The following SNX14 variants were observed in gnomAD, a reference collection of about 807,000 sequenced individuals.
The protein encoded by SNX14 is sorting nexin-14.
SNX14 carries 93 observed loss-of-function variants against 133.8 expected under a neutral mutation model. That is an observed-to-expected ratio of 0.70 (90% CI 0.59 to 0.83). The LOEUF (loss-of-function observed/expected upper bound fraction) is 0.83. Ranked by LOEUF, SNX14 falls within the 40% of genes least tolerant of loss-of-function variation. The pLI, the probability that SNX14 is intolerant of heterozygous loss-of-function variation, is 0.00. For missense variants in SNX14, 945 were observed against 1,094.9 expected (o/e 0.86, Z 1.93); for synonymous variants, 368 against 365.6 (o/e 1.01, Z -0.07).
chr6:85,548,827 C>T (rs1786715926), intron 8 of SNX14, among the ~76,000 whole-genome samples: 1 of 151,502 alleles, frequency 6.6e-6, no homozygotes, highest in African/African-American at 2.4e-5. Flanking sequence ...ATTAGCTGGG[C>T]ATGATGGTGC....
chr6:85,592,939 G>C (rs1803334322), intron 1 of SNX14, among the ~76,000 whole-genome samples: 2 of 152,162 alleles, frequency 1.3e-5, no homozygotes, highest in Non-Finnish European at 2.9e-5. Flanking sequence ...GCGTGAACCC[G>C]GGAGGAGGAG....
At chr6:85,526,076 C>T (rs1321529123) in intron 21 of SNX14, 50 bp downstream of exon 21, 11 of 1,210,398 alleles carry the variant, frequency 9.1e-6, no homozygotes, top group Non-Finnish European at 1.2e-5. Context: ...TCTGAAAATG[C>T]TGATTCTTTT....
At chr6:85,518,699 G>A (rs1426905845) in intron 21 of SNX14, among the ~76,000 whole-genome samples, 1 of 152,072 alleles carries the variant, frequency 6.6e-6, no homozygotes, top group Non-Finnish European at 1.5e-5. Flanking sequence ...TAGATTTATG[G>A]CAATAGAAGG....
chr6:85,531,252 C>T (rs917785999), intron 18 of SNX14, among the ~76,000 whole-genome samples: 3 of 152,164 alleles, frequency 2.0e-5, no homozygotes, highest in African/African-American at 7.2e-5. Context: ...TACCATGTGG[C>T]CTTGAACAAA....
chr6:85,539,981 A>ATT (rs1554230930), intron 15 of SNX14, among the ~76,000 whole-genome samples: 1 of 48,204 alleles, frequency 2.1e-5, no homozygotes, highest in African/African-American at 6.3e-5. Flanking sequence ...TTTTATTTTA[A>ATT]TTGAGGCGGA....
At chr6:85,560,494 G>A (rs62443351) in intron 6 of SNX14, among the ~76,000 whole-genome samples, 7,413 of 152,236 alleles carry the variant, frequency 0.049, 260 homozygotes, top group Non-Finnish European at 0.074. Flanking sequence ...GGATAGAAGA[G>A]GTGATGTTTA....
rs887046963 is a variant in SNX14, at chr6:85,520,893, T to C, written c.2108-2845A>G. Among the ~76,000 whole-genome samples, 3 of 152,254 alleles carry C rather than the reference T, an allele frequency of 2.0e-5. No individual in the cohort carries two copies. The South Asian group carries it at 6.2e-4, about 31-fold the overall frequency. On this transcript the variant is annotated intron_variant, in intron 21 of 28. Transcript: ENST00000314673. ...TGCTGATGAACATTTGTGCTGTTTC[T>C]AGTTTGGGCTATACAAAGAACTCTA...
At chr6:85,587,510 G>T (rs1006335722) in intron 1 of SNX14, among the ~76,000 whole-genome samples, 1 of 152,090 alleles carries the variant, frequency 6.6e-6, no homozygotes, top group African/African-American at 2.4e-5. Flanking sequence ...TGTCATCCCA[G>T]GCTGGAATGT....
rs1011574567 is a variant in SNX14, at chr6:85,574,250, A to G, written c.261+8T>C. On this transcript the variant is annotated splice_region_variant and intron_variant, in intron 2 of 28. Transcript: ENST00000314673. ...TTGATTCTTAACAATAAGAACACAT[A>G]ATTTTACCTTGGGTTTGTATTTTAT... The G allele has an allele frequency of 6.4e-7, 1 of 1,566,070 alleles. No homozygotes were observed. Among genetic ancestry groups the G allele is most frequent in the African/African-American group, 1.4e-5 (1 of 74,054 alleles).
chr6:85,588,993 A>C, intron 1 of SNX14: 1 of 435,422 alleles, frequency 2.3e-6, no homozygotes, highest in Non-Finnish European at 4.6e-6. Context: ...GGGATGCAGA[A>C]GTGGCAGGCA....
At chr6:85,543,127 G>T in intron 14 of SNX14, 55 bp downstream of exon 14, 1 of 1,396,456 alleles carries the variant, frequency 7.2e-7, no homozygotes, top group Non-Finnish European at 9.5e-7. Flanking sequence ...TGATATCAAA[G>T]CTACTATTAA....
At chr6:85,528,448 C>T (rs748993610) in intron 19 of SNX14, 86 bp from the exon 20 acceptor site, 36 of 998,212 alleles carry the variant, frequency 3.6e-5, no homozygotes, top group Non-Finnish European at 4.9e-5. Context: ...TACTATGGCA[C>T]ATTCAGATTA....
intron 26 of SNX14, among the ~76,000 whole-genome samples, chr6:85,508,999 A>C (rs1363766307): frequency 1.3e-5 from 2 of 152,190 alleles, no homozygotes; most frequent in African/African-American, 4.8e-5. Flanking sequence ...ATGTGGCCCA[A>C]TACAAATCTT....
At chr6:85,519,181 C>A (rs1269076948) in intron 21 of SNX14, among the ~76,000 whole-genome samples, 1 of 152,048 alleles carries the variant, frequency 6.6e-6, no homozygotes, top group African/African-American at 2.4e-5. Flanking sequence ...TCACTTTTTT[C>A]CCCCAATAAA....
intron 6 of SNX14, among the ~76,000 whole-genome samples, chr6:85,560,719 A>C (rs1429783029): frequency 6.6e-6 from 1 of 152,170 alleles, no homozygotes; most frequent in East Asian, 1.9e-4. Flanking sequence ...CTATTAATTT[A>C]GAATCCACTA....
rs1785956943 is a variant in SNX14 at position 85,547,242 on chromosome 6, A to G, written c.994-16T>C. On this transcript the variant is annotated splice_polypyrimidine_tract_variant and intron_variant, in intron 11 of 28. Transcript: ENST00000314673. ...ACTTCAGCACCTTGATATAAGAGAA[A>G]GATTAAGTTTAAGCTATATAAATGA... 3 of 1,612,708 alleles carry G rather than the reference A, an allele frequency of 1.9e-6. No individual in the cohort carries two copies. The highest frequency in any genetic ancestry group is 1.7e-6 in the Non-Finnish European group (2 of 1,179,118).
At chr6:85,543,140 T>A (rs1306080406) in intron 14 of SNX14, 42 bp downstream of exon 14, 1 of 1,448,820 alleles carries the variant, frequency 6.9e-7, no homozygotes, top group Admixed American at 2.6e-5. Flanking sequence ...ACTATTAAAT[T>A]ATGTATAAAA....
rs559232814 is a variant in SNX14, at chr6:85,509,727, G to T, written c.2654-1668C>A. Among the ~76,000 whole-genome samples, 5 of 152,188 alleles carry T rather than the reference G, an allele frequency of 3.3e-5. No individual in the cohort carries two copies. The Middle Eastern group carries it at 0.01, about 311-fold the overall frequency. On this transcript the variant is annotated intron_variant, in intron 26 of 28. Coordinates refer to ENST00000314673, the MANE Select transcript of SNX14 (RefSeq NM_153816.6). ...TTGGAGTTCGTTCTTGGTGTTGTAC[G>T]TTCTGTGGGTCTGGACAAATAGATG...
At chr6:85,518,477 A>G (rs1364130939) in intron 21 of SNX14, among the ~76,000 whole-genome samples, 1 of 152,220 alleles carries the variant, frequency 6.6e-6, no homozygotes, top group African/African-American at 2.4e-5. Flanking sequence ...CTCAATATTT[A>G]AAACTATTTC....
Sources: gnomAD v4.1 joint callset for allele counts (sites outside exome capture counted in the v4.1 genomes callset) on GRCh38, gnomAD v4.1.1 for gene constraint, MANE v1.5 for transcripts, NCBI Gene and HGNC (gene_info 2026-07-23, HGNC 2026-07-21) for gene names.